Variants in MAP4K5 observed in about 807,000 individuals in gnomAD.
The protein encoded by MAP4K5 is MAPK/ERK kinase kinase kinase 5.
In MAP4K5, 82 loss-of-function variants were observed where a neutral mutation model predicts 135.6. The ratio of observed to expected loss-of-function variants is 0.60; its 90% confidence interval spans 0.51 to 0.73. The LOEUF (loss-of-function observed/expected upper bound fraction) is 0.73. Ranked by LOEUF, MAP4K5 falls within the 30% of genes least tolerant of loss-of-function variation. The probability of loss-of-function intolerance (pLI) is 0.00; values close to 1 mark genes in which losing one functional copy is unlikely to be tolerated. For missense variants in MAP4K5, 907 were observed against 1,010.9 expected (o/e 0.90, Z 1.39); for synonymous variants, 347 against 335.0 (o/e 1.04, Z -0.39).
At chr14:50,441,225 T>C (rs576172097) in intron 21 of MAP4K5, among the ~76,000 whole-genome samples, 1 of 152,244 alleles carries the variant, frequency 6.6e-6, no homozygotes, top group East Asian at 1.9e-4. Context: ...AGTATAATTA[T>C]AAACATAATC....
intron 2 of MAP4K5, among the ~76,000 whole-genome samples, chr14:50,518,423 G>A (rs1341368012): frequency 6.6e-6 from 1 of 152,184 alleles, no homozygotes; most frequent in African/African-American, 2.4e-5. Context: ...GCCCTAGTGT[G>A]TATTATTCCC....
chr14:50,462,733 G>A lies in MAP4K5; in HGVS notation c.868C>T (p.Leu290=), dbSNP rs773098762. The A allele has an allele frequency of 4.7e-5, 75 of 1,604,774 alleles. No individual in the cohort carries two copies. The highest frequency in any genetic ancestry group is 6.0e-5 in the Non-Finnish European group (71 of 1,177,552). The change falls in exon 13 of 33, where the codon CTG becomes TTG. Residue 290 remains leucine (L), a synonymous_variant. Transcript: ENST00000682126. ...PGLSRALAVE[L]LDKVNNPDNH... ...TCTGGATTGTTCACTTTGTCTAACA[G>A]TTCAACTGCTAGGGCTCTAGAGAGA...
intron 6 of MAP4K5, among the ~76,000 whole-genome samples, chr14:50,478,021 T>C (rs140570600): frequency 2.6e-4 from 39 of 152,268 alleles, no homozygotes; most frequent in African/African-American, 8.9e-4. Flanking sequence ...TAGGTATATA[T>C]AGGATTGGCA....
At chr14:50,537,047 G>A (rs114411272), upstream of MAP4K5, among the ~76,000 whole-genome samples, 748 of 152,358 alleles carry the variant, frequency 4.9e-3, 8 homozygotes, top group African/African-American at 0.017. Context: ...CCTTCAGGGC[G>A]TGTCAGAGGT....
intron 10 of MAP4K5, 68 bp downstream of exon 10, chr14:50,468,583 A>G: frequency 6.8e-7 from 1 of 1,473,604 alleles, no homozygotes; most frequent in Non-Finnish European, 9.4e-7. Context: ...CTTGATGCTG[A>G]GTTATCAGCA....
In MAP4K5 at chr14:50,489,217, A is replaced by C. The variant is rs572183720; in HGVS notation, c.167-3023T>G. 5.3e-5 allele frequency among the ~76,000 whole-genome samples: 8 copies of C among 152,246 alleles called. No individual in the cohort carries two copies. In the East Asian group the frequency reaches 1.5e-3, roughly 29 times the overall value. On this transcript the variant is annotated intron_variant, in intron 3 of 32. Coordinates refer to ENST00000682126, the MANE Select transcript of MAP4K5 (RefSeq NM_006575.6). Reference sequence around the variant, plus strand: ...AAAATAATAAGCTAGGCATGGTGGCATGCACCTGTAGTCCCAGCTACTCAG... The same window carrying C: ...AAAATAATAAGCTAGGCATGGTGGCCTGCACCTGTAGTCCCAGCTACTCAG...
chr14:50,438,150 CA>C (rs1264367137), intron 23 of MAP4K5, 56 bp from the exon 24 acceptor site: 7 of 691,638 alleles, frequency 1.0e-5, no homozygotes, highest in East Asian at 5.2e-5. Context: ...AAAACACACA[CA>C]AAAAAACCCT....
At chr14:50,485,838 T>C (rs774781816) in intron 4 of MAP4K5, 196 bp from the exon 5 acceptor site, 2 of 550,844 alleles carry the variant, frequency 3.6e-6, no homozygotes, top group Non-Finnish European at 6.3e-6. Context: ...TGGTTTAGAA[T>C]ATGATCAGTT....
At chr14:50,465,991 T>A (rs1003708147) in intron 11 of MAP4K5, among the ~76,000 whole-genome samples, 3 of 152,046 alleles carry the variant, frequency 2.0e-5, no homozygotes, top group Non-Finnish European at 4.4e-5. Flanking sequence ...GGAGAATCAC[T>A]CGAACCCAGG....
At chr14:50,439,650 G>T (rs141195842) in intron 23 of MAP4K5, among the ~76,000 whole-genome samples, 1 of 152,118 alleles carries the variant, frequency 6.6e-6, no homozygotes, top group African/African-American at 2.4e-5. Flanking sequence ...GTTCAGGATC[G>T]CAGAGAAAGA....
chr14:50,442,851 A>G, intron 20 of MAP4K5, 35 bp from the exon 21 acceptor site: 1 of 1,262,370 alleles, frequency 7.9e-7, no homozygotes, highest in African/African-American at 1.5e-5. Context: ...AACTTATTTG[A>G]TTAGAAAATT....
chr14:50,500,315 A>C (rs544163866), intron 3 of MAP4K5, among the ~76,000 whole-genome samples: 3 of 152,216 alleles, frequency 2.0e-5, no homozygotes, highest in Non-Finnish European at 2.9e-5. Flanking sequence ...TAACAAGGGC[A>C]TTGGCCTCTC....
intron 2 of MAP4K5, among the ~76,000 whole-genome samples, chr14:50,541,876 G>A (rs578226107): frequency 1.3e-5 from 2 of 151,468 alleles, no homozygotes; most frequent in East Asian, 1.9e-4. Context: ...GTGCGGTGGC[G>A]AGTGCCTGTA....
At chr14:50,474,469 G>A (rs976652166) in intron 9 of MAP4K5, among the ~76,000 whole-genome samples, 1 of 151,768 alleles carries the variant, frequency 6.6e-6, no homozygotes, top group Non-Finnish European at 1.5e-5. Flanking sequence ...TAAATATTAA[G>A]GTTTTGTTAT....
At chr14:50,517,339 A>G (rs2038054509) in intron 2 of MAP4K5, among the ~76,000 whole-genome samples, 1 of 151,748 alleles carries the variant, frequency 6.6e-6, no homozygotes. Flanking sequence ...TTTAGTGGAG[A>G]CGGGGTTTCA....
At chr14:50,506,920 T>C (rs1403512474) in intron 2 of MAP4K5, among the ~76,000 whole-genome samples, 2 of 152,162 alleles carry the variant, frequency 1.3e-5, no homozygotes, top group Non-Finnish European at 2.9e-5. Flanking sequence ...TAGCCTCACG[T>C]CTTCTTCTAA....
intron 31 of MAP4K5, among the ~76,000 whole-genome samples, chr14:50,424,709 C>CAAAA (rs57648390): frequency 4.7e-5 from 1 of 21,352 alleles, no homozygotes; most frequent in Admixed American, 6.9e-4. Flanking sequence ...GACTCCATCT[C>CAAAA]AAAAAAAAAA....
intron 14 of MAP4K5, among the ~76,000 whole-genome samples, chr14:50,455,103 A>G (rs568857940): frequency 6.6e-6 from 1 of 152,162 alleles, no homozygotes; most frequent in African/African-American, 2.4e-5. Context: ...TATCAAATCC[A>G]TGAGTAGAAA....
intron 1 of MAP4K5, among the ~76,000 whole-genome samples, chr14:50,547,700 G>T (rs922351897): frequency 6.6e-6 from 1 of 152,156 alleles, no homozygotes; most frequent in Admixed American, 6.5e-5. Flanking sequence ...AAATGAGGTG[G>T]TGCTGCTTGT....
Sources: gnomAD v4.1 joint callset for allele counts (sites outside exome capture counted in the v4.1 genomes callset) on GRCh38, gnomAD v4.1.1 for gene constraint, MANE v1.5 for transcripts, NCBI Gene and HGNC (gene_info 2026-07-23, HGNC 2026-07-21) for gene names.